GMDS: variants seen among roughly 807,000 people sequenced by gnomAD.
The protein encoded by GMDS is GDP-mannose 4,6-dehydratase.
GMDS carries 20 observed loss-of-function variants against 49.9 expected under a neutral mutation model. The observed-to-expected ratio is 0.40, with a 90% CI of 0.28 to 0.58. The LOEUF is 0.58. Ranked by LOEUF, GMDS falls within the 20% of genes least tolerant of loss-of-function variation. The probability of loss-of-function intolerance (pLI) is 0.42; values close to 1 mark genes in which losing one functional copy is unlikely to be tolerated. For missense variants in GMDS, 362 were observed against 481.4 expected, an observed-to-expected ratio of 0.75 and a Z score of 2.32; for synonymous variants, 177 against 178.6, an observed-to-expected ratio of 0.99 and a Z score of 0.07.
At chr6:1,653,787 A>G (rs184415547) in intron 9 of GMDS, among the ~76,000 whole-genome samples, 109 of 152,356 alleles carry the variant, frequency 7.2e-4, no homozygotes, top group Non-Finnish European at 1.4e-3. Flanking sequence ...TACATCGTAC[A>G]TAAAAGTCAC....
In GMDS at chr6:2,115,900, C is replaced by A; in HGVS notation, c.236-20G>T. On this transcript the variant is annotated intron_variant, in intron 3 of 10. Transcript: ENST00000380815. ...TCATGTCTTCAGGATACAAAAACAT[C>A]CCATTAGATAGAGAAAAGCAACATA... is the stretch of plus-strand genomic sequence containing the variant. 1 of 1,287,182 alleles carries A rather than the reference C, an allele frequency of 7.8e-7. No individual in the cohort carries two copies. Among genetic ancestry groups the A allele is most frequent in the Admixed American group, 1.7e-5 (1 of 58,722 alleles). The allele number at this position is 1,287,182 out of a possible 1,614,324, so 79.7% of individuals were successfully genotyped here.
intron 7 of GMDS, among the ~76,000 whole-genome samples, chr6:1,888,521 G>A (rs539606832): frequency 6.6e-6 from 1 of 152,174 alleles, no homozygotes; most frequent in African/African-American, 2.4e-5. Context: ...TCTCTTACAC[G>A]AGGGGATTAT....
At chr6:2,137,460 A>G (rs2079909325) in intron 1 of GMDS, among the ~76,000 whole-genome samples, 1 of 151,082 alleles carries the variant, frequency 6.6e-6, no homozygotes, top group Non-Finnish European at 1.5e-5. Flanking sequence ...CAGCCTCCCG[A>G]GTAGCTGGGA....
intron 9 of GMDS, among the ~76,000 whole-genome samples, chr6:1,668,824 T>C (rs1043291718): frequency 6.6e-6 from 1 of 152,176 alleles, no homozygotes; most frequent in South Asian, 2.1e-4. Flanking sequence ...AAATAAACTT[T>C]CTTGAAATAT....
At chr6:1,982,634 A>C (rs994440675) in intron 4 of GMDS, among the ~76,000 whole-genome samples, 3 of 152,024 alleles carry the variant, frequency 2.0e-5, no homozygotes, top group South Asian at 4.1e-4. Flanking sequence ...CAATTGCCAC[A>C]AAAAAAATAA....
chr6:1,693,188 C>T (rs1379097932), intron 9 of GMDS, among the ~76,000 whole-genome samples: 1 of 152,236 alleles, frequency 6.6e-6, no homozygotes, highest in East Asian at 1.9e-4. Flanking sequence ...AAACAGGCCA[C>T]CTTCCCAGCC....
intron 7 of GMDS, among the ~76,000 whole-genome samples, chr6:1,884,114 T>G (rs1216000115): frequency 6.6e-6 from 1 of 152,164 alleles, no homozygotes; most frequent in Non-Finnish European, 1.5e-5. Flanking sequence ...GAACCTGAAA[T>G]AGTCATTTCC....
intron 1 of GMDS, among the ~76,000 whole-genome samples, chr6:2,234,518 A>T (rs992029217): frequency 6.6e-6 from 1 of 152,138 alleles, no homozygotes; most frequent in Non-Finnish European, 1.5e-5. Context: ...CTGAAGCAGG[A>T]GAATCACTTG....
intron 7 of GMDS, among the ~76,000 whole-genome samples, chr6:1,754,148 A>G (rs2113528786): frequency 6.6e-6 from 1 of 152,306 alleles, no homozygotes; most frequent in South Asian, 2.1e-4. Context: ...CCAGAATAAT[A>G]AAGAAGAAAA....
At chr6:2,124,838 G>A in intron 1 of GMDS, 107 bp from the exon 2 acceptor site, 5 of 760,888 alleles carry the variant, frequency 6.6e-6, no homozygotes. Flanking sequence ...CTAACTTAAG[G>A]ACAATGGCAA....
chr6:1,733,647 T>C (rs140314747), intron 8 of GMDS, among the ~76,000 whole-genome samples: 35 of 152,254 alleles, frequency 2.3e-4, no homozygotes, highest in African/African-American at 8.2e-4. Flanking sequence ...TGAAACCATG[T>C]TAGGTCTCCA....
chr6:1,762,362 A>G (rs527971627), intron 7 of GMDS, among the ~76,000 whole-genome samples: 5 of 152,334 alleles, frequency 3.3e-5, no homozygotes, highest in Admixed American at 2.0e-4. Context: ...GTTACTCACG[A>G]CGAAACTTCA....
intron 4 of GMDS, among the ~76,000 whole-genome samples, chr6:2,104,738 C>T (rs10484947): frequency 0.14 from 20,663 of 151,910 alleles, 3,804 homozygotes; most frequent in African/African-American, 0.42. Flanking sequence ...ATTATTGCTG[C>T]TGATAAATTT....
chr6:1,703,284 C>G (rs1459487949), intron 9 of GMDS, among the ~76,000 whole-genome samples: 1 of 152,142 alleles, frequency 6.6e-6, no homozygotes, highest in Non-Finnish European at 1.5e-5. Context: ...GGCTCTTGCT[C>G]TTCCTCAGGG....
chr6:2,028,104 T>C (rs1768715318), intron 4 of GMDS, among the ~76,000 whole-genome samples: 1 of 152,244 alleles, frequency 6.6e-6, no homozygotes, highest in Non-Finnish European at 1.5e-5. Context: ...TTTCAATGAA[T>C]TCTGATTTAG....
At chr6:2,245,287 GC>G in intron 1 of GMDS, 33 bp downstream of exon 1, 1 of 1,395,102 alleles carries the variant, frequency 7.2e-7, no homozygotes, top group Non-Finnish European at 9.8e-7. Context: ...TGCCCAGGCT[GC>G]CTCGGCCGGC....
At chr6:2,129,142 C>G (rs1775600567) in intron 1 of GMDS, among the ~76,000 whole-genome samples, 1 of 152,154 alleles carries the variant, frequency 6.6e-6, no homozygotes, top group South Asian at 2.1e-4. Flanking sequence ...CATGTTTTGA[C>G]TACAGTATGA....
intron 9 of GMDS, among the ~76,000 whole-genome samples, chr6:1,628,981 AGC>A (rs1174219564): frequency 3.3e-5 from 5 of 152,216 alleles, no homozygotes; most frequent in Non-Finnish European, 7.3e-5. Flanking sequence ...TGAATAGGAA[AGC>A]TTGACTCTTG....
chr6:1,727,023 A>C (rs1334401541), intron 8 of GMDS, among the ~76,000 whole-genome samples: 1 of 152,142 alleles, frequency 6.6e-6, no homozygotes, highest in African/African-American at 2.4e-5. Context: ...GCATCCCTGG[A>C]TCACATACAA....
Sources: allele counts gnomAD v4.1 joint callset (sites outside exome capture counted in the v4.1 genomes callset), GRCh38; gene constraint gnomAD v4.1.1; transcripts MANE v1.5; gene names NCBI Gene and HGNC (gene_info 2026-07-23, HGNC 2026-07-21).